The following AKR1C3 variants were observed in gnomAD, a reference collection of about 807,000 sequenced individuals.
AKR1C3 encodes the protein 3-alpha hydroxysteroid dehydrogenase, type II.
In AKR1C3, 48 loss-of-function variants were observed where a neutral mutation model predicts 43.6. The observed-to-expected ratio is 1.10, with a 90% CI of 0.87 to 1.40. The LOEUF is 1.40. Ranked by LOEUF, AKR1C3 falls within the 40% of genes most tolerant of loss-of-function variation. The probability of loss-of-function intolerance (pLI) is 0.00; values close to 1 mark genes in which losing one functional copy is unlikely to be tolerated. For missense variants in AKR1C3, 482 were observed against 391.2 expected, an observed-to-expected ratio of 1.23 and a Z score of -1.96; for synonymous variants, 162 against 139.6, an observed-to-expected ratio of 1.16 and a Z score of -1.13.
chr10:5,086,040 T>G (rs1838957774), intron 1 of AKR1C3, among the ~76,000 whole-genome samples: 1 of 151,860 alleles, frequency 6.6e-6, no homozygotes, highest in Non-Finnish European at 1.5e-5. Context: ...CTGGTTTCAT[T>G]AATTTTTTGA....
chr10:5,096,581 C>CT lies in AKR1C3; in HGVS notation c.252+5dup, dbSNP rs782696041. 4.4e-5 allele frequency: 71 copies of CT among 1,612,276 alleles called. 1 individual carries two copies. In the East Asian group the frequency reaches 1.5e-3, roughly 33 times the overall value. On this transcript the variant is annotated splice_donor_region_variant and intron_variant, in intron 2 of 8. Coordinates refer to ENST00000380554, the MANE Select transcript of AKR1C3 (RefSeq NM_003739.6). ...AGACATATTCTACACTTCAAAGGTA[C>CT]TGTGTCTATGATGAGCTTGTGTGCA...
At chr10:5,067,155 T>G (rs1554780868) in intron 1 of AKR1C3, among the ~76,000 whole-genome samples, 1 of 151,866 alleles carries the variant, frequency 6.6e-6, no homozygotes. Context: ...TATCCACTTA[T>G]AAGGCTGGCT....
chr10:5,050,565 C>T (rs955753025), intron 1 of AKR1C3, among the ~76,000 whole-genome samples: 16 of 152,034 alleles, frequency 1.1e-4, no homozygotes, highest in African/African-American at 3.9e-4. Context: ...AACAATGGCA[C>T]ATTGTAAGAA....
rs528011151 is a variant in AKR1C3 at position 5,102,401 on chromosome 10, A to G, written c.681-84A>G. The G allele has an allele frequency of 1.1e-4, 167 of 1,504,558 alleles. 4 individuals are homozygous for G. In the South Asian group the frequency reaches 2.0e-3, roughly 18 times the overall value. The allele number at this position is 1,504,558 out of a possible 1,614,324, so 93.2% of individuals were successfully genotyped here. A position where few individuals can be genotyped will look rare whatever the true frequency, so the allele number is the denominator to read the frequency against. On this transcript the variant is annotated intron_variant, in intron 6 of 8. Transcript: ENST00000380554. ...CCTCGCTTGAGAAGCTCCGGTGCAGAGTGGATGCCTTAGTCTGTTTAGGGA... is the reference window on the plus strand; with the variant it reads ...CCTCGCTTGAGAAGCTCCGGTGCAGGGTGGATGCCTTAGTCTGTTTAGGGA...
intron 1 of AKR1C3, among the ~76,000 whole-genome samples, chr10:5,051,403 G>T (rs1408295196): frequency 6.6e-6 from 1 of 152,188 alleles, no homozygotes; most frequent in African/African-American, 2.4e-5. Flanking sequence ...AGCTGACTTT[G>T]TGTTTTATGT....
chr10:5,054,698 T>C (rs782195516), intron 1 of AKR1C3, among the ~76,000 whole-genome samples: 1 of 152,164 alleles, frequency 6.6e-6, no homozygotes, highest in Non-Finnish European at 1.5e-5. Context: ...TCTCTCTGAC[T>C]CCTTCTCTTT....
Position 5,060,782 on chromosome 10 carries a change from A to T in AKR1C3, c.84+11887A>T, listed in dbSNP as rs111321306. On this transcript the variant is annotated intron_variant, in intron 1 of 8. Coordinates refer to the AKR1C3 transcript ENST00000439082. Reference sequence around the variant, plus strand: ...GCTCAGGCTGCACAGGAGCCCACAGAGGTGGGGAGGCTCAGGCATGGCGGG... The same window carrying T: ...GCTCAGGCTGCACAGGAGCCCACAGTGGTGGGGAGGCTCAGGCATGGCGGG... Among the ~76,000 whole-genome samples, 5 of 151,942 alleles carry T rather than the reference A, an allele frequency of 3.3e-5. No homozygotes were observed. The East Asian group carries it at 5.8e-4, about 18-fold the overall frequency.
At chr10:5,066,887 G>A (rs1425723669) in intron 1 of AKR1C3, among the ~76,000 whole-genome samples, 1 of 152,118 alleles carries the variant, frequency 6.6e-6, no homozygotes, top group Non-Finnish European at 1.5e-5. Context: ...TTGCTATAGA[G>A]CATATAATGG....
At chr10:5,061,761 T>C (rs538592558) in intron 1 of AKR1C3, among the ~76,000 whole-genome samples, 2 of 152,338 alleles carry the variant, frequency 1.3e-5, no homozygotes, top group East Asian at 3.9e-4. Context: ...CCAACCCATC[T>C]TTAGAAAATG....
At chr10:5,106,865 A>C (rs1839513199) in intron 8 of AKR1C3, among the ~76,000 whole-genome samples, 1 of 142,458 alleles carries the variant, frequency 7.0e-6, no homozygotes, top group African/African-American at 2.5e-5. Flanking sequence ...ATAAGTGCTT[A>C]AAAATTGGTA....
At chr10:5,058,218 A>G (rs571999859) in intron 1 of AKR1C3, among the ~76,000 whole-genome samples, 1 of 152,242 alleles carries the variant, frequency 6.6e-6, no homozygotes, top group African/African-American at 2.4e-5. Flanking sequence ...CTCCTGTGGG[A>G]TGTAAATTGT....
At chr10:5,088,365 G>A (rs1839016943) in intron 1 of AKR1C3, among the ~76,000 whole-genome samples, 1 of 151,810 alleles carries the variant, frequency 6.6e-6, no homozygotes, top group Non-Finnish European at 1.5e-5. Flanking sequence ...TAAGTCCAGA[G>A]AGTTTTTTTT....
At chr10:5,077,115 C>T (rs1182648767) in intron 1 of AKR1C3, among the ~76,000 whole-genome samples, 1 of 151,922 alleles carries the variant, frequency 6.6e-6, no homozygotes, top group Non-Finnish European at 1.5e-5. Context: ...AAAGAACATT[C>T]GTGGTGGTTT....
intron 5 of AKR1C3, among the ~76,000 whole-genome samples, chr10:5,101,525 T>G (rs117400599): frequency 0.034 from 5,209 of 152,268 alleles, 139 homozygotes; most frequent in Middle Eastern, 0.075. Flanking sequence ...TAACCACCAA[T>G]GGTGGAGGCA....
At chr10:5,055,659 T>C (rs1004966483) in intron 1 of AKR1C3, among the ~76,000 whole-genome samples, 1 of 136,156 alleles carries the variant, frequency 7.3e-6, no homozygotes, top group East Asian at 2.5e-4. Context: ...CTCCAAGAGC[T>C]ATACTGGCTC....
chr10:5,102,885 C>T (rs1839393784), intron 7 of AKR1C3, among the ~76,000 whole-genome samples: 1 of 151,826 alleles, frequency 6.6e-6, no homozygotes, highest in Admixed American at 6.6e-5. Flanking sequence ...ATTAAGTTGA[C>T]AATCTACTCT....
intron 8 of AKR1C3, 131 bp downstream of exon 8, chr10:5,105,808 G>T (rs1839487060): frequency 1.4e-6 from 1 of 702,900 alleles, no homozygotes; most frequent in East Asian, 2.8e-5. Flanking sequence ...GAACTCTCCT[G>T]CTGGATTCAC....
intron 1 of AKR1C3, chr10:5,096,194 A>AC: frequency 1.9e-6 from 1 of 516,800 alleles, no homozygotes; most frequent in Non-Finnish European, 3.4e-6. Context: ...TACCTCCATA[A>AC]CAGTGATCAA....
chr10:5,102,026 C>A lies in AKR1C3; in HGVS notation c.571-75C>A, dbSNP rs1345011180. The A allele has an allele frequency of 4.3e-6, 4 of 937,776 alleles. No homozygotes were observed. The African/African-American group carries it at 5.0e-5, about 12-fold the overall frequency. 58.1% of individuals were successfully genotyped at this position (937,776 alleles called of 1,614,324 possible). A position where few individuals can be genotyped will look rare whatever the true frequency, so the allele number is the denominator to read the frequency against. On this transcript the variant is annotated intron_variant, in intron 5 of 8. Transcript: ENST00000380554. ...TGCTATACTGATTATTATTCAGCTT[C>A]CTTACTTTCATCTTTTCAATATTAA... is the stretch of plus-strand genomic sequence containing the variant.
Sources: gnomAD v4.1 joint callset for allele counts (sites outside exome capture counted in the v4.1 genomes callset) on GRCh38, gnomAD v4.1.1 for gene constraint, MANE v1.5 for transcripts, NCBI Gene and HGNC (gene_info 2026-07-23, HGNC 2026-07-21) for gene names.